TMEM230: variants seen among roughly 807,000 people sequenced by gnomAD.
TMEM230 encodes UPF0414 transmembrane protein C20orf30.
TMEM230 carries 10 observed loss-of-function variants against 15.8 expected under a neutral mutation model. The observed-to-expected ratio is 0.63, with a 90% CI of 0.39 to 1.07. The LOEUF is 1.07. Among genes scored for constraint, TMEM230 ranks in the 50% least tolerant of loss-of-function variants. The pLI is 0.01. For synonymous variants in TMEM230, 67 were observed against 76.9 expected (o/e 0.87, Z 0.68); for missense variants, 165 against 193.3 (o/e 0.85, Z 0.87).
chr20:5,062,998 T>C, the TMEM230 span, among the ~76,000 whole-genome samples: 6 of 152,092 alleles, frequency 3.9e-5, no homozygotes, highest in African/African-American at 1.4e-4. Flanking sequence ...CTGAGCACCA[T>C]ATTGCCTTCA....
intron 3 of TMEM230, among the ~76,000 whole-genome samples, chr20:5,089,941 C>T (rs1410502686): frequency 2.0e-5 from 3 of 152,160 alleles, no homozygotes; most frequent in East Asian, 1.9e-4. Flanking sequence ...ATCGCTTGAA[C>T]CTGGGGGGCG....
At chr20:5,062,944 T>TA in the TMEM230 span, among the ~76,000 whole-genome samples, 2 of 152,086 alleles carry the variant, frequency 1.3e-5, no homozygotes, top group Non-Finnish European at 2.9e-5. Flanking sequence ...AAGAGAAGTA[T>TA]AGTCTCCAGG....
downstream of TMEM230, among the ~76,000 whole-genome samples, chr20:5,095,119 C>A (rs1427957343): frequency 1.3e-5 from 2 of 152,118 alleles, no homozygotes; most frequent in African/African-American, 2.4e-5. Flanking sequence ...TAGAGAAAAC[C>A]CTCTGGAAGG....
chr20:5,078,378 C>A (rs978145774), intron 3 of TMEM230, among the ~76,000 whole-genome samples: 10 of 152,206 alleles, frequency 6.6e-5, no homozygotes, highest in Non-Finnish European at 1.5e-4. Context: ...TCTTTGGAAG[C>A]ACAGATACTC....
chr20:5,109,772 A>G (rs2090240942), intron 2 of TMEM230, among the ~76,000 whole-genome samples: 3 of 152,102 alleles, frequency 2.0e-5, no homozygotes, highest in Admixed American at 2.0e-4. Flanking sequence ...CTGACTTTTA[A>G]TTTTTCCAAA....
At chr20:5,072,201 C>T (rs2088849036) in intron 3 of TMEM230, among the ~76,000 whole-genome samples, 3 of 152,210 alleles carry the variant, frequency 2.0e-5, no homozygotes, top group Middle Eastern at 3.4e-3. Flanking sequence ...TAGGCATGCA[C>T]CACCATGCCT....
intron 3 of TMEM230, among the ~76,000 whole-genome samples, chr20:5,076,614 A>C (rs745732672): frequency 2.6e-5 from 4 of 152,090 alleles, no homozygotes; most frequent in African/African-American, 4.8e-5. Context: ...TCTGTTATGT[A>C]ACAGGCATCT....
At chr20:5,093,285 T>C (rs2089561366) in intron 3 of TMEM230, among the ~76,000 whole-genome samples, 1 of 152,248 alleles carries the variant, frequency 6.6e-6, no homozygotes, top group South Asian at 2.1e-4. Context: ...AGGGTCTATG[T>C]CGCCCAGGCT....
At chr20:5,097,087 C>T (rs376863112), downstream of TMEM230, among the ~76,000 whole-genome samples, 1 of 152,080 alleles carries the variant, frequency 6.6e-6, no homozygotes, top group Non-Finnish European at 1.5e-5. Context: ...TTTTTAGAAA[C>T]GAAAAGAACT....
chr20:5,112,998 C>A lies in TMEM230; in HGVS notation c.31G>T (p.Glu11Ter). The stretch of plus-strand genomic sequence containing the variant: ...CCAGGCCGCCCGCACACCCAGAGCT[C>A]GCCCACGGTTGGCAGCGCCCAAGGT... Residue 11 changes from glutamate to a stop codon, truncating the protein, a stop_gained, in exon 1 of 5, where the codon GAG (glutamate) becomes TAG (stop). It introduces an in-frame stop codon into an upstream open reading frame of the 5' UTR. Transcript: ENST00000342308. LOFTEE classifies it high-confidence loss of function. 1.9e-6 allele frequency: 3 copies of A among 1,550,788 alleles called. No homozygotes were observed. The highest frequency in any genetic ancestry group is 2.6e-6 in the Non-Finnish European group (3 of 1,147,546).
chr20:5,071,538 G>A lies in TMEM230; in HGVS notation c.223-2189C>T, dbSNP rs185355204. Among the ~76,000 whole-genome samples the A allele has an allele frequency of 4.6e-3, 693 of 151,226 alleles. 7 individuals carry two copies. The highest frequency in any genetic ancestry group is 4.4e-3 in the Non-Finnish European group (301 of 67,870). On this transcript the variant is annotated intron_variant, in intron 3 of 3. Coordinates refer to the TMEM230 transcript ENST00000612323. ...CTTGGGAGGCCAAGGCAGGAGAATC[G>A]CTTGAACCCGGACGGCGGAGGTTGC...
At chr20:5,059,680 G>A in the TMEM230 span, among the ~76,000 whole-genome samples, 1 of 151,270 alleles carries the variant, frequency 6.6e-6, no homozygotes, top group East Asian at 1.9e-4. Flanking sequence ...CTTGATCATG[G>A]CTCACTGCAG....
At chr20:5,105,339 T>C (rs907677935) in intron 4 of TMEM230, among the ~76,000 whole-genome samples, 3 of 151,778 alleles carry the variant, frequency 2.0e-5, no homozygotes, top group Middle Eastern at 3.4e-3. Flanking sequence ...TATATATAAC[T>C]AAAAATAGGC....
chr20:5,086,949 T>C (rs778872216), intron 3 of TMEM230, among the ~76,000 whole-genome samples: 2 of 152,042 alleles, frequency 1.3e-5, no homozygotes, highest in Non-Finnish European at 2.9e-5. Context: ...CCATGGCTCA[T>C]TGGAGCCTCG....
intron 3 of TMEM230, among the ~76,000 whole-genome samples, chr20:5,075,119 G>T (rs1407736803): frequency 2.0e-5 from 3 of 150,778 alleles, no homozygotes; most frequent in Non-Finnish European, 4.4e-5. Context: ...AGGCTGGAGT[G>T]CAATGGCACG....
At chr20:5,067,499 A>G (rs935178153), downstream of TMEM230, 6 of 144,294 alleles carry the variant, frequency 4.2e-5, no homozygotes, top group Admixed American at 1.4e-4. Context: ...GCTGGAGTGC[A>G]ATGGTGCCAT....
chr20:5,082,922 GTTTTT>G (rs140284230), intron 3 of TMEM230, among the ~76,000 whole-genome samples: 1 of 127,254 alleles, frequency 7.9e-6, no homozygotes, highest in Non-Finnish European at 1.6e-5. Context: ...TCTTCATATT[GTTTTT>G]TTTTTTTTTT....
chr20:5,091,214 T>C (rs1171783350), intron 3 of TMEM230, among the ~76,000 whole-genome samples: 2 of 152,146 alleles, frequency 1.3e-5, no homozygotes, highest in Non-Finnish European at 2.9e-5. Context: ...ATTTTGTTAC[T>C]GTTTTACTGT....
rs189433757 is a variant in TMEM230, at chr20:5,092,527, G to A, written c.222+13661C>T. Reference sequence around the variant, plus strand: ...GAGGTCGGGAGTTCATGACCAGCCTGACCAACATGGAGAAACCCTGTCTCT... The same window carrying A: ...GAGGTCGGGAGTTCATGACCAGCCTAACCAACATGGAGAAACCCTGTCTCT... On this transcript the variant is annotated intron_variant, in intron 3 of 3. Transcript: ENST00000612323. 2.0e-3 allele frequency among the ~76,000 whole-genome samples: 299 copies of A among 152,258 alleles called. 2 individuals are homozygous for A. Among genetic ancestry groups the A allele is most frequent in the Non-Finnish European group, 3.3e-3 (225 of 68,030 alleles).
Sources: gnomAD v4.1 joint callset for allele counts (sites outside exome capture counted in the v4.1 genomes callset) on GRCh38, gnomAD v4.1.1 for gene constraint, MANE v1.5 for transcripts, NCBI Gene and HGNC (gene_info 2026-07-23, HGNC 2026-07-21) for gene names.